Variants in DERL2 observed in about 807,000 individuals in gnomAD.
DERL2 encodes derlin-2.
Under a neutral mutation model 32.0 loss-of-function variants are expected in DERL2, and 13 were observed. The ratio of observed to expected loss-of-function variants is 0.41; its 90% confidence interval spans 0.26 to 0.65. The LOEUF (loss-of-function observed/expected upper bound fraction) is 0.65. Ranked by LOEUF, DERL2 falls within the 30% of genes least tolerant of loss-of-function variation. The pLI, the probability that DERL2 is intolerant of heterozygous loss-of-function variation, is 0.35. For missense variants in DERL2, 208 were observed against 296.3 expected (o/e 0.70, Z 2.19); for synonymous variants, 111 against 104.7 (o/e 1.06, Z -0.37).
chr17:5,482,765 C>A, intron 3 of DERL2, 44 bp downstream of exon 3: 1 of 1,122,160 alleles, frequency 8.9e-7, no homozygotes, highest in Admixed American at 2.3e-5. Flanking sequence ...TTTTTTACTT[C>A]CTAAGAAAAA....
At chr17:5,478,588 A>T (rs1368185477) in intron 6 of DERL2, among the ~76,000 whole-genome samples, 2 of 152,198 alleles carry the variant, frequency 1.3e-5, no homozygotes, top group Admixed American at 6.5e-5. Flanking sequence ...CAAAATAGGA[A>T]TTCTACTTCT....
At chr17:5,485,322 C>T (rs1052453442) in intron 1 of DERL2, 106 bp from the exon 2 acceptor site, 1 of 727,568 alleles carries the variant, frequency 1.4e-6, no homozygotes, top group African/African-American at 1.8e-5. Context: ...GTCACTTAGA[C>T]GTGATTTCCT....
chr17:5,483,834 T>TG (rs35273112), intron 2 of DERL2, among the ~76,000 whole-genome samples: 2 of 152,172 alleles, frequency 1.3e-5, no homozygotes, highest in Admixed American at 1.3e-4. Context: ...AAGACTTACT[T>TG]GGATGGAACT....
chr17:5,486,259 T>G (rs1285586363), upstream of DERL2: 5 of 979,684 alleles, frequency 5.1e-6, no homozygotes, highest in Non-Finnish European at 5.7e-6. Context: ...CCCCGCCCAC[T>G]TTAGTTTTCC....
At chr17:5,477,125 G>A (rs1193703987) in intron 6 of DERL2, among the ~76,000 whole-genome samples, 2 of 152,098 alleles carry the variant, frequency 1.3e-5, no homozygotes, top group African/African-American at 4.8e-5. Flanking sequence ...AAGGGCAGAT[G>A]GAAAGGAGTG....
At chr17:5,476,146 A>G (rs1045504606) in intron 6 of DERL2, among the ~76,000 whole-genome samples, 1 of 152,226 alleles carries the variant, frequency 6.6e-6, no homozygotes, top group African/African-American at 2.4e-5. Context: ...GGGATAGTAA[A>G]TGTCCAAAAG....
intron 6 of DERL2, among the ~76,000 whole-genome samples, chr17:5,479,207 G>C (rs2151703576): frequency 6.6e-6 from 1 of 152,318 alleles, no homozygotes; most frequent in Admixed American, 6.5e-5. Context: ...GCCTTGCCTG[G>C]CTCAGCGTTT....
At chr17:5,480,900 G>C in intron 4 of DERL2, 1 of 482,706 alleles carries the variant, frequency 2.1e-6, no homozygotes, top group South Asian at 4.5e-5. Flanking sequence ...CACCTTTACA[G>C]AGATGAATAA....
At chr17:5,483,049 GA>G (rs1206438065) in intron 2 of DERL2, among the ~76,000 whole-genome samples, 167 bp from the exon 3 acceptor site, 4 of 152,148 alleles carry the variant, frequency 2.6e-5, no homozygotes, top group African/African-American at 4.8e-5. Flanking sequence ...TCTGATGTTA[GA>G]TTTTTTTTGC....
chr17:5,474,643 C>G lies in DERL2; in HGVS notation c.*41G>C. On this transcript the variant is annotated 3_prime_UTR_variant, in exon 7 of 7. Coordinates refer to ENST00000158771, the MANE Select transcript of DERL2 (RefSeq NM_016041.5). This position sits in a 1 kb window ranked among gnomAD's most constrained non-coding sequence, Gnocchi z 4.3. The stretch of plus-strand genomic sequence containing the variant: ...GATAAAAGATCCCAGTGGGTATCAC[C>G]GAGTCCTTCCCAGCTGGGTCTCATT... 2 of 1,491,514 alleles carry G rather than the reference C, an allele frequency of 1.3e-6. No homozygotes were observed. Among genetic ancestry groups the G allele is most frequent in the Non-Finnish European group, 1.8e-6 (2 of 1,083,392 alleles). 92.4% of individuals were successfully genotyped at this position (1,491,514 alleles called of 1,614,324 possible).
At position 5,481,252 on chromosome 17, in the gene DERL2, A is replaced by G; in HGVS notation, c.327+44T>C. ...CAGATGACAAGCTTTAGGAAGAGCC[A>G]GGGTGTTCTTCAACATTTTCCCGTG... On this transcript the variant is annotated intron_variant, in intron 4 of 6. Transcript: ENST00000158771. The surrounding 1 kb of genome is among the most constrained non-coding windows in gnomAD (Gnocchi z 4.4). 1 of 1,369,410 alleles carries G rather than the reference A, an allele frequency of 7.3e-7. No homozygotes were observed. Among genetic ancestry groups the G allele is most frequent in the Non-Finnish European group, 1.0e-6 (1 of 956,540 alleles). 84.8% of individuals were successfully genotyped at this position (1,369,410 alleles called of 1,614,324 possible).
intron 6 of DERL2, 82 bp downstream of exon 6, chr17:5,479,972 C>T (rs773299012): frequency 2.6e-4 from 217 of 831,472 alleles, no homozygotes; most frequent in Middle Eastern, 1.5e-3. Context: ...GTACTAGGAG[C>T]TAGGGGAGCC....
At chr17:5,475,323 G>C (rs140955851) in intron 6 of DERL2, among the ~76,000 whole-genome samples, 1 of 150,632 alleles carries the variant, frequency 6.6e-6, no homozygotes, top group East Asian at 2.0e-4. Flanking sequence ...GCCATGGTGC[G>C]ATCTCGGCTC....
At position 5,472,682 on chromosome 17, in the gene DERL2, G is replaced by A. The variant is rs1242973942; in HGVS notation, c.*2002C>T. ...AGTGAGTTAACAGATTTTAGGATTA[G>A]TATTTTACCACAAAAATGCCATTCA... On this transcript the variant is annotated 3_prime_UTR_variant, in exon 7 of 7. Coordinates refer to ENST00000158771, the MANE Select transcript of DERL2 (RefSeq NM_016041.5). 13 of 151,858 alleles carry A rather than the reference G, an allele frequency of 8.6e-5. No homozygotes were observed. The South Asian group carries it at 2.3e-3, about 27-fold the overall frequency. 9.4% of individuals were successfully genotyped at this position (151,858 alleles called of 1,614,324 possible).
At chr17:5,486,276 T>C, upstream of DERL2, 1 of 794,204 alleles carries the variant, frequency 1.3e-6, no homozygotes, top group Non-Finnish European at 1.9e-6. Context: ...TTCCCGCGAC[T>C]GCCCAATCAA....
upstream of DERL2, chr17:5,486,421 G>GT: frequency 2.3e-6 from 1 of 437,142 alleles, no homozygotes. Context: ...GGAAAAACGA[G>GT]TAAGTACAGG....
At position 5,485,234 on chromosome 17, in the gene DERL2, C is replaced by T; in HGVS notation, c.94-18G>A. The T allele has an allele frequency of 6.5e-7, 1 of 1,529,734 alleles. No individual in the cohort carries two copies. The highest frequency in any genetic ancestry group is 8.7e-7 in the Non-Finnish European group (1 of 1,144,232). The allele number at this position is 1,529,734 out of a possible 1,614,324, so 94.8% of individuals were successfully genotyped here. A position where few individuals can be genotyped will look rare whatever the true frequency, so the allele number is the denominator to read the frequency against. On this transcript the variant is annotated intron_variant, in intron 1 of 6. Transcript: ENST00000158771. ...TCCAACTGCTGAAATAGAAAAAGAGCTTCTTAAAGCAAATCAAGAAACAAA... is the reference window on the plus strand; with the variant it reads ...TCCAACTGCTGAAATAGAAAAAGAGTTTCTTAAAGCAAATCAAGAAACAAA...
rs367780632 is a variant in DERL2 at position 5,480,156 on chromosome 17, C to G, written c.524-12G>C. On this transcript the variant is annotated splice_polypyrimidine_tract_variant and intron_variant, in intron 5 of 6. Transcript: ENST00000158771. ...TCCAACTGCAATACCTAGAGTCAAG[C>G]AGAAATAAAGGATGAGGGAGAGAAT... The G allele has an allele frequency of 4.5e-6, 7 of 1,559,316 alleles. No individual in the cohort carries two copies. In the African/African-American group the frequency reaches 6.8e-5, roughly 15 times the overall value.
upstream of DERL2, chr17:5,486,197 C>G (rs1006418797): frequency 8.1e-7 from 1 of 1,231,256 alleles, no homozygotes; most frequent in Non-Finnish European, 1.1e-6. Context: ...CCCCACCCAC[C>G]CCATTTCCCC....
Sources: gnomAD v4.1 joint callset for allele counts (sites outside exome capture counted in the v4.1 genomes callset) on GRCh38, gnomAD v4.1.1 for gene constraint, Gnocchi (gnomAD v3.1) non-coding constraint, MANE v1.5 for transcripts, NCBI Gene and HGNC (gene_info 2026-07-23, HGNC 2026-07-21) for gene names.